The following GSG1L variants were observed in gnomAD, a reference collection of about 807,000 sequenced individuals.
GSG1L encodes GSG1 like, also known as germ cell-specific gene 1-like protein.
GSG1L carries 24 observed loss-of-function variants against 42.1 expected under a neutral mutation model. The ratio of observed to expected loss-of-function variants is 0.57; its 90% confidence interval spans 0.41 to 0.80. GSG1L has a LOEUF of 0.80. GSG1L is among the 30% of genes least tolerant of loss of function. GSG1L has a pLI of 0.00. For synonymous variants in GSG1L, 215 were observed against 203.5 expected, an observed-to-expected ratio of 1.06 and a Z score of -0.48; for missense variants, 445 against 472.2, an observed-to-expected ratio of 0.94 and a Z score of 0.53.
chr16:27,978,951 A>G (rs1031493272), intron 1 of GSG1L, among the ~76,000 whole-genome samples: 2 of 152,164 alleles, frequency 1.3e-5, no homozygotes, highest in African/African-American at 4.8e-5. Context: ...ATGTTTTGAC[A>G]CCCACACCCT....
intron 1 of GSG1L, among the ~76,000 whole-genome samples, chr16:28,041,173 G>C (rs922453441): frequency 6.6e-6 from 1 of 152,140 alleles, no homozygotes; most frequent in Non-Finnish European, 1.5e-5. Context: ...ATCAGAGTCT[G>C]GGTGTGCTGG....
chr16:28,034,642 G>A (rs899287995), intron 1 of GSG1L, among the ~76,000 whole-genome samples: 2 of 152,112 alleles, frequency 1.3e-5, no homozygotes, highest in African/African-American at 2.4e-5. Context: ...AGAGGCCAAG[G>A]TTAGGACTCA....
chr16:27,787,716 C>G lies in GSG1L; in HGVS notation c.*3654G>C, dbSNP rs1236130086. The G allele has an allele frequency of 6.6e-6, 1 of 152,094 alleles. No individual in the cohort carries two copies. The highest frequency in any genetic ancestry group is 1.5e-5 in the Non-Finnish European group (1 of 68,026). The allele number at this position is 152,094 out of a possible 1,614,324, so 9.4% of individuals were successfully genotyped here. On this transcript the variant is annotated 3_prime_UTR_variant, in exon 7 of 7. Transcript: ENST00000447459. ...ACTATTAAAATAGATTAAAATTTTC[C>G]CCATGTGTCAACTACAATCATCTCC...
intron 2 of GSG1L, among the ~76,000 whole-genome samples, chr16:27,898,921 G>A (rs148047757): frequency 0.015 from 2,240 of 152,272 alleles, 28 homozygotes; most frequent in Non-Finnish European, 0.024. Context: ...TCCCTTTACC[G>A]AGGGCAGGTG....
intron 1 of GSG1L, among the ~76,000 whole-genome samples, chr16:28,060,945 C>T (rs897933904): frequency 1.3e-5 from 2 of 152,214 alleles, no homozygotes; most frequent in Non-Finnish European, 2.9e-5. Context: ...GTAGCAAGTA[C>T]TGGGACCGTG....
chr16:27,938,925 C>G (rs933730638), intron 2 of GSG1L, among the ~76,000 whole-genome samples: 1 of 152,116 alleles, frequency 6.6e-6, no homozygotes, highest in Non-Finnish European at 1.5e-5. Context: ...TGTGTTCCAG[C>G]CTCCCAACAT....
chr16:27,850,746 TTTTA>T (rs2083502664), intron 3 of GSG1L: 1 of 341,962 alleles, frequency 2.9e-6, no homozygotes, highest in South Asian at 2.3e-5. Flanking sequence ...CAGGAAGGCA[TTTTA>T]TTTATTTAAA....
chr16:27,822,623 T>A (rs1333805612), intron 5 of GSG1L, among the ~76,000 whole-genome samples: 1 of 152,154 alleles, frequency 6.6e-6, no homozygotes, highest in Non-Finnish European at 1.5e-5. Flanking sequence ...CTTGCTATGT[T>A]GCCCAGGCTA....
At chr16:27,944,323 A>G (rs1239826130) in intron 2 of GSG1L, among the ~76,000 whole-genome samples, 1 of 152,144 alleles carries the variant, frequency 6.6e-6, no homozygotes, top group Non-Finnish European at 1.5e-5. Context: ...TTATTTTGCA[A>G]TAAAAAGGAA....
At chr16:28,017,432 A>G (rs1341748673) in intron 1 of GSG1L, among the ~76,000 whole-genome samples, 5 of 152,216 alleles carry the variant, frequency 3.3e-5, no homozygotes, top group Non-Finnish European at 7.3e-5. Context: ...TGAAAGTAAT[A>G]CGTCTTTCCC....
At chr16:28,005,669 T>C (rs886585682) in intron 1 of GSG1L, among the ~76,000 whole-genome samples, 5 of 152,104 alleles carry the variant, frequency 3.3e-5, no homozygotes, top group African/African-American at 9.7e-5. Flanking sequence ...AACCTCTCTG[T>C]GCCTCAGTTT....
At chr16:27,928,949 A>G (rs532496709) in intron 2 of GSG1L, among the ~76,000 whole-genome samples, 8 of 152,222 alleles carry the variant, frequency 5.3e-5, no homozygotes, top group Non-Finnish European at 8.8e-5. Context: ...AGAGGTTATT[A>G]AGGTGCAGGG....
At chr16:27,872,765 C>A (rs1440022891) in intron 3 of GSG1L, among the ~76,000 whole-genome samples, 1 of 152,098 alleles carries the variant, frequency 6.6e-6, no homozygotes, top group Non-Finnish European at 1.5e-5. Context: ...CCCACCAGCA[C>A]CATGAGAGGT....
In GSG1L at chr16:28,063,589, G is replaced by T. The variant is rs1465525589; in HGVS notation, c.-165C>A. 1 of 190,290 alleles carries T rather than the reference G, an allele frequency of 5.3e-6. No individual in the cohort carries two copies. The highest frequency in any genetic ancestry group is 1.9e-4 in the East Asian group (1 of 5,334). 11.8% of individuals were successfully genotyped at this position (190,290 alleles called of 1,614,324 possible). A position where few individuals can be genotyped will look rare whatever the true frequency, so the allele number is the denominator to read the frequency against. ...GCGGGCCCATGCCCCCCCCAACCCC[G>T]GGGTGGGGGCGCGGCGCGGGGGGCG... On this transcript the variant is annotated 5_prime_UTR_variant, in exon 1 of 7. Coordinates refer to ENST00000447459, the MANE Select transcript of GSG1L (RefSeq NM_001109763.2). The surrounding 1 kb of genome is among the most constrained non-coding windows in gnomAD (Gnocchi z 5.8).
chr16:27,855,356 C>A (rs35865379), intron 3 of GSG1L, among the ~76,000 whole-genome samples: 1 of 152,104 alleles, frequency 6.6e-6, no homozygotes, highest in African/African-American at 2.4e-5. Flanking sequence ...TTTGGCCCAA[C>A]CTTCATTCAT....
intron 3 of GSG1L, among the ~76,000 whole-genome samples, chr16:27,873,769 C>G (rs977945908): frequency 6.6e-6 from 1 of 152,176 alleles, no homozygotes; most frequent in Non-Finnish European, 1.5e-5. Flanking sequence ...GCACTGGCCA[C>G]CTTAGCTTTA....
At chr16:27,919,510 C>CAA (rs2084500399) in intron 2 of GSG1L, among the ~76,000 whole-genome samples, 1 of 152,232 alleles carries the variant, frequency 6.6e-6, no homozygotes, top group Non-Finnish European at 1.5e-5. Context: ...AAGCTCCAGG[C>CAA]AAACACCCCT....
At chr16:27,947,421 A>AAAGC (rs1308572182) in intron 2 of GSG1L, among the ~76,000 whole-genome samples, 1 of 148,960 alleles carries the variant, frequency 6.7e-6, no homozygotes, top group Non-Finnish European at 1.5e-5. Flanking sequence ...AGAAAGAAAG[A>AAAGC]AAGAAAGAGA....
chr16:28,048,249 T>C (rs2086186124), intron 1 of GSG1L, among the ~76,000 whole-genome samples: 1 of 151,848 alleles, frequency 6.6e-6, no homozygotes, highest in South Asian at 2.1e-4. Context: ...TATAACAATA[T>C]AAAGCCCTTA....
Sources: allele counts gnomAD v4.1 joint callset (sites outside exome capture counted in the v4.1 genomes callset), GRCh38; gene constraint gnomAD v4.1.1; non-coding constraint Gnocchi (gnomAD v3.1); transcripts MANE v1.5; gene names NCBI Gene and HGNC (gene_info 2026-07-23, HGNC 2026-07-21).